The following TRIO variants were observed in gnomAD, a reference collection of about 807,000 sequenced individuals.
TRIO encodes trio Rho guanine nucleotide exchange factor.
TRIO carries 58 observed loss-of-function variants against 351.9 expected under a neutral mutation model. The observed-to-expected ratio is 0.16, with a 90% CI of 0.13 to 0.21. The LOEUF (loss-of-function observed/expected upper bound fraction) is 0.21. TRIO is among the 10% of genes least tolerant of loss of function. The pLI, the probability that TRIO is intolerant of heterozygous loss-of-function variation, is 1.00. For synonymous variants in TRIO, 1,758 were observed against 1,595.7 expected, an observed-to-expected ratio of 1.10 and a Z score of -2.42; for missense variants, 3,201 against 4,027.8, an observed-to-expected ratio of 0.79 and a Z score of 5.56.
At chr5:14,151,204 A>G (rs1224424116) in intron 1 of TRIO, among the ~76,000 whole-genome samples, 1 of 152,206 alleles carries the variant, frequency 6.6e-6, no homozygotes, top group Non-Finnish European at 1.5e-5. Flanking sequence ...TACCTATTTC[A>G]CGGTATTGAC....
intron 27 of TRIO, among the ~76,000 whole-genome samples, chr5:14,391,528 T>C (rs1747083350): frequency 6.6e-6 from 1 of 152,242 alleles, no homozygotes; most frequent in Admixed American, 6.5e-5. Context: ...GGAGTAAACG[T>C]AGATACAGGT....
At chr5:14,211,240 A>G (rs1444941419) in intron 1 of TRIO, among the ~76,000 whole-genome samples, 2 of 152,246 alleles carry the variant, frequency 1.3e-5, no homozygotes. Context: ...GGTTTCTAGT[A>G]TCTCAGAAAG....
In TRIO at chr5:14,148,958, C is replaced by T. The variant is rs529188987; in HGVS notation, c.157+5076C>T. ...CTTCGTCCTATTCCAGTTCTGCTGA[C>T]GCGCTGTTCAGTGGGCCACTGGGAG... is the stretch of plus-strand genomic sequence containing the variant. On this transcript the variant is annotated intron_variant, in intron 1 of 56. Transcript: ENST00000344204. 7.9e-5 allele frequency among the ~76,000 whole-genome samples: 12 copies of T among 152,224 alleles called. No homozygotes were observed. The East Asian group carries it at 1.2e-3, about 15-fold the overall frequency.
At chr5:14,415,007 C>G (rs1025308369) in intron 33 of TRIO, among the ~76,000 whole-genome samples, 1 of 152,194 alleles carries the variant, frequency 6.6e-6, no homozygotes, top group African/African-American at 2.4e-5. Flanking sequence ...CTCTCTAATT[C>G]CCTTTAACCA....
At chr5:14,257,738 ATTTG>A (rs1159583789) in intron 1 of TRIO, among the ~76,000 whole-genome samples, 3 of 152,166 alleles carry the variant, frequency 2.0e-5, no homozygotes, top group Admixed American at 6.5e-5. Context: ...AAATATGTCT[ATTTG>A]TTAGTGGCTT....
intron 34 of TRIO, among the ~76,000 whole-genome samples, chr5:14,454,874 C>T (rs152427): frequency 0.095 from 14,453 of 152,240 alleles, 814 homozygotes; most frequent in Admixed American, 0.18. Context: ...GATGTTCAGA[C>T]GTGTTTGGAG....
At chr5:14,348,381 T>TA (rs1742633223) in intron 11 of TRIO, among the ~76,000 whole-genome samples, 1 of 152,240 alleles carries the variant, frequency 6.6e-6, no homozygotes, top group Middle Eastern at 3.2e-3. Flanking sequence ...GAGTCATGCT[T>TA]ATGTTTAATT....
chr5:14,378,213 C>A, intron 20 of TRIO, 86 bp downstream of exon 20: 1 of 1,065,090 alleles, frequency 9.4e-7, no homozygotes, highest in African/African-American at 1.6e-5. Flanking sequence ...GACATTTCCG[C>A]CATCTTGAAA....
chr5:14,279,645 C>T (rs1411481176), intron 2 of TRIO, among the ~76,000 whole-genome samples: 1 of 152,124 alleles, frequency 6.6e-6, no homozygotes, highest in East Asian at 1.9e-4. Flanking sequence ...AGAAATCGTT[C>T]TGCCTGCCTG....
In TRIO at chr5:14,508,736, G is replaced by A. The variant is rs974667509; in HGVS notation, c.*314G>A. 10 of 260,918 alleles carry A rather than the reference G, an allele frequency of 3.8e-5. No homozygotes were observed. Among genetic ancestry groups the A allele is most frequent in the African/African-American group, 2.2e-4 (10 of 44,630 alleles). The allele number at this position is 260,918 out of a possible 1,614,324, so 16.2% of individuals were successfully genotyped here. ...ATGAATAGAATTTTGCAAATTTAAC[G>A]TTTTCAAGATTTATTCAAGGAAACA... On this transcript the variant is annotated 3_prime_UTR_variant, in exon 57 of 57. Transcript: ENST00000344204.
intron 1 of TRIO, among the ~76,000 whole-genome samples, chr5:14,234,212 T>G (rs192516291): frequency 2.0e-5 from 3 of 152,126 alleles, no homozygotes; most frequent in African/African-American, 4.8e-5. Flanking sequence ...CATAGGGAGA[T>G]AGTGGTAGTT....
chr5:14,430,740 G>C (rs1438894018), intron 34 of TRIO, among the ~76,000 whole-genome samples: 1 of 149,624 alleles, frequency 6.7e-6, no homozygotes, highest in Non-Finnish European at 1.5e-5. Flanking sequence ...TACTGAGACA[G>C]AGTCTTGCTC....
At chr5:14,352,550 T>G (rs1351964858) in intron 11 of TRIO, among the ~76,000 whole-genome samples, 1 of 152,228 alleles carries the variant, frequency 6.6e-6, no homozygotes, top group Admixed American at 6.5e-5. Context: ...AAACAGACTT[T>G]CCTTGAGTGA....
In TRIO at chr5:14,457,225, C is replaced by T. The variant is rs556962276; in HGVS notation, c.5204-3794C>T. ...AACATTTTTCTAAGTCATAAATATTCCGGCAAAATGAAAGAATGTCACTTC... is the reference window on the plus strand; with the variant it reads ...AACATTTTTCTAAGTCATAAATATTTCGGCAAAATGAAAGAATGTCACTTC... On this transcript the variant is annotated intron_variant, in intron 34 of 56. Coordinates refer to ENST00000344204, the MANE Select transcript of TRIO (RefSeq NM_007118.4). Among the ~76,000 whole-genome samples, 8 of 152,108 alleles carry T rather than the reference C, an allele frequency of 5.3e-5. 1 individual carries two copies. The highest frequency in any genetic ancestry group is 1.9e-4 in the African/African-American group (8 of 41,476).
In TRIO at chr5:14,304,707, G is replaced by A. The variant is rs567502037; in HGVS notation, c.1500+115G>A. On this transcript the variant is annotated intron_variant, in intron 8 of 56. Transcript: ENST00000344204. ...CCCAGAAAAAGTTTATAGATTTCGAGTTAGACTGCAGTTTAATTGTTTAGC... is the reference window on the plus strand; with the variant it reads ...CCCAGAAAAAGTTTATAGATTTCGAATTAGACTGCAGTTTAATTGTTTAGC... The A allele has an allele frequency of 2.8e-3, 3,355 of 1,210,824 alleles. 10 individuals are homozygous for A. The highest frequency in any genetic ancestry group is 8.1e-3 in the Middle Eastern group (38 of 4,684). The allele number at this position is 1,210,824 out of a possible 1,614,324, so 75.0% of individuals were successfully genotyped here. A position where few individuals can be genotyped will look rare whatever the true frequency, so the allele number is the denominator to read the frequency against.
rs28718197 is a variant in TRIO, at chr5:14,431,684, G to T, written c.5203+11663G>T. 5.5e-4 allele frequency among the ~76,000 whole-genome samples: 83 copies of T among 152,230 alleles called. No individual in the cohort carries two copies. In the East Asian group the frequency reaches 0.014, roughly 25 times the overall value. The stretch of plus-strand genomic sequence containing the variant: ...TCATGGAGAAGATTATTAACAGAAG[G>T]GGGAGAAGGGTGTATTCATCTGCTG... On this transcript the variant is annotated intron_variant, in intron 34 of 56. Transcript: ENST00000344204.
chr5:14,276,049 GTTTTTT>G (rs55864994), intron 2 of TRIO, among the ~76,000 whole-genome samples: 27 of 142,560 alleles, frequency 1.9e-4, no homozygotes, highest in African/African-American at 5.7e-4. Context: ...ATGGACATTT[GTTTTTT>G]TTTTTTCTTT....
chr5:14,492,902 G>A, intron 49 of TRIO, 88 bp downstream of exon 49: 1 of 1,549,404 alleles, frequency 6.5e-7, no homozygotes, highest in South Asian at 1.2e-5. Flanking sequence ...GACGGGGTAA[G>A]CATGTGGAAG....
At chr5:14,169,713 T>C (rs1335053128) in intron 1 of TRIO, among the ~76,000 whole-genome samples, 1 of 152,206 alleles carries the variant, frequency 6.6e-6, no homozygotes, top group Non-Finnish European at 1.5e-5. Context: ...TTGGATTCAC[T>C]GTGAGTTCTT....
Sources: gnomAD v4.1 joint callset for allele counts (sites outside exome capture counted in the v4.1 genomes callset) on GRCh38, gnomAD v4.1.1 for gene constraint, MANE v1.5 for transcripts, NCBI Gene and HGNC (gene_info 2026-07-23, HGNC 2026-07-21) for gene names.